The following CADM2 variants were observed in gnomAD, a reference collection of about 807,000 sequenced individuals.
CADM2 encodes the protein cell adhesion molecule 2, also known as immunoglobulin superfamily member 4D.
Under a neutral mutation model 49.8 loss-of-function variants are expected in CADM2, and 12 were observed. That is an observed-to-expected ratio of 0.24 (90% CI 0.15 to 0.39). The LOEUF (loss-of-function observed/expected upper bound fraction) is 0.39. CADM2 is among the 10% of genes least tolerant of loss of function. The pLI, the probability that CADM2 is intolerant of heterozygous loss-of-function variation, is 1.00. For synonymous variants in CADM2, 214 were observed against 175.4 expected, an observed-to-expected ratio of 1.22 and a Z score of -1.74; for missense variants, 378 against 492.3, an observed-to-expected ratio of 0.77 and a Z score of 2.20.
chr3:85,094,578 C>T (rs2037724110), intron 1 of CADM2, among the ~76,000 whole-genome samples: 1 of 152,020 alleles, frequency 6.6e-6, no homozygotes, highest in Admixed American at 6.6e-5. Context: ...GTTGGTAATT[C>T]TACTGAGTTT....
intron 1 of CADM2, among the ~76,000 whole-genome samples, chr3:85,433,021 G>C (rs993042801): frequency 6.6e-6 from 1 of 151,808 alleles, no homozygotes; most frequent in Non-Finnish European, 1.5e-5. Context: ...AAATATTTGT[G>C]GTACATTTCA....
intron 3 of CADM2, among the ~76,000 whole-genome samples, chr3:85,836,084 G>T (rs913342655): frequency 1.3e-5 from 2 of 151,418 alleles, no homozygotes; most frequent in African/African-American, 4.8e-5. Flanking sequence ...CTGCCAAATG[G>T]AATAAAAATG....
At chr3:85,489,696 C>A (rs9817432) in intron 1 of CADM2, among the ~76,000 whole-genome samples, 49 of 134,770 alleles carry the variant, frequency 3.6e-4, no homozygotes, top group Middle Eastern at 8.3e-3. Flanking sequence ...AAAAAAAAAA[C>A]AAAAAAAAGA....
chr3:85,869,637 C>T (rs1442257721), intron 3 of CADM2, among the ~76,000 whole-genome samples: 5 of 151,906 alleles, frequency 3.3e-5, no homozygotes, highest in Non-Finnish European at 7.4e-5. Flanking sequence ...TTTCCTTTAT[C>T]TGCCTACATT....
chr3:85,931,596 A>G (rs1458089669), intron 6 of CADM2, among the ~76,000 whole-genome samples: 2 of 152,194 alleles, frequency 1.3e-5, no homozygotes, highest in Admixed American at 6.5e-5. Context: ...ACATGCAGCA[A>G]TGGTATCTGA....
chr3:85,658,349 A>T (rs2065273534), intron 1 of CADM2, among the ~76,000 whole-genome samples: 1 of 151,832 alleles, frequency 6.6e-6, no homozygotes, highest in Non-Finnish European at 1.5e-5. Context: ...TCTTCACTTC[A>T]TTCAGAAGAA....
Position 85,120,676 on chromosome 3 carries a change from G to T in CADM2, c.61+161008G>T, listed in dbSNP as rs1313931323. 5.9e-5 allele frequency among the ~76,000 whole-genome samples: 9 copies of T among 152,002 alleles called. 1 individual carries two copies. The highest frequency in any genetic ancestry group is 4.2e-4 in the South Asian group (2 of 4,794). On this transcript the variant is annotated intron_variant, in intron 1 of 9. Coordinates refer to ENST00000383699, the MANE Select transcript of CADM2 (RefSeq NM_001167675.2). ...GGAACATCACACACCAGGGCCTCCT[G>T]GGGGGTAGGGGGCCAGGGGAGGGAT...
intron 9 of CADM2, 44 bp from the exon 10 acceptor site, chr3:86,066,621 A>G (rs770988071): frequency 7.2e-6 from 10 of 1,386,214 alleles, no homozygotes; most frequent in African/African-American, 5.7e-5. Flanking sequence ...TGGGTATTTT[A>G]CCAGTCTCAC....
chr3:85,338,031 G>A (rs890042492), intron 1 of CADM2, among the ~76,000 whole-genome samples: 3 of 151,668 alleles, frequency 2.0e-5, no homozygotes, highest in Non-Finnish European at 4.4e-5. Context: ...CTCCATCAGC[G>A]CCTCTGCCTA....
chr3:85,868,590 TC>T (rs2075807539), intron 3 of CADM2, among the ~76,000 whole-genome samples: 1 of 152,180 alleles, frequency 6.6e-6, no homozygotes, highest in East Asian at 1.9e-4. Flanking sequence ...GAAATTTTTG[TC>T]CTCAAAGTTG....
chr3:85,818,889 A>C (rs889189858), intron 3 of CADM2, among the ~76,000 whole-genome samples: 2 of 151,834 alleles, frequency 1.3e-5, no homozygotes, highest in African/African-American at 4.9e-5. Context: ...GAACAGAACT[A>C]ATAGGATAGA....
At chr3:85,767,237 TA>T (rs2069704378) in intron 2 of CADM2, among the ~76,000 whole-genome samples, 1 of 152,136 alleles carries the variant, frequency 6.6e-6, no homozygotes, top group Non-Finnish European at 1.5e-5. Context: ...GATGCACACC[TA>T]ACCTCTTAAT....
chr3:85,288,709 G>C (rs1211749116), intron 1 of CADM2, among the ~76,000 whole-genome samples: 1 of 150,078 alleles, frequency 6.7e-6, no homozygotes, highest in Non-Finnish European at 1.5e-5. Context: ...GTGTTGCAGT[G>C]TTGGTGTATA....
At chr3:85,729,640 A>G (rs1422066611) in intron 2 of CADM2, among the ~76,000 whole-genome samples, 1 of 152,214 alleles carries the variant, frequency 6.6e-6, no homozygotes, top group East Asian at 1.9e-4. Context: ...GGAGGACTCT[A>G]TGAAGAGTGA....
intron 7 of CADM2, among the ~76,000 whole-genome samples, chr3:85,942,867 G>C (rs1722122715): frequency 6.6e-6 from 1 of 152,142 alleles, no homozygotes; most frequent in East Asian, 1.9e-4. Flanking sequence ...GGATGGCTGG[G>C]TCAAATGGTA....
In CADM2 at chr3:85,261,814, A is replaced by G. The variant is rs2043019473; in HGVS notation, c.61+302146A>G. ...ATTCAAATATTTCTAAATTAAAAAC[A>G]AAACAAAACAAAGTCACCTTTTTCC... is the stretch of plus-strand genomic sequence containing the variant. On this transcript the variant is annotated intron_variant, in intron 1 of 9. Coordinates refer to ENST00000383699, the MANE Select transcript of CADM2 (RefSeq NM_001167675.2). 2.0e-5 allele frequency among the ~76,000 whole-genome samples: 3 copies of G among 151,710 alleles called. No individual in the cohort carries two copies. The South Asian group carries it at 6.2e-4, about 31-fold the overall frequency.
intron 1 of CADM2, among the ~76,000 whole-genome samples, chr3:85,357,066 T>A (rs1055068325): frequency 1.1e-4 from 17 of 152,116 alleles, no homozygotes; most frequent in African/African-American, 3.4e-4. Flanking sequence ...TAAACTTAAA[T>A]TGAAATTTTG....
intron 1 of CADM2, among the ~76,000 whole-genome samples, chr3:85,211,586 G>A (rs530560295): frequency 1.6e-4 from 25 of 152,186 alleles, no homozygotes; most frequent in East Asian, 3.9e-4. Context: ...TGTATGTATA[G>A]TTTCCAAAAT....
intron 1 of CADM2, among the ~76,000 whole-genome samples, chr3:85,470,323 T>C (rs1161450675): frequency 6.6e-6 from 1 of 152,176 alleles, no homozygotes; most frequent in Admixed American, 6.5e-5. Context: ...GTCTGAAATA[T>C]GTGTCCTGGG....
Sources: gnomAD v4.1 joint callset for allele counts (sites outside exome capture counted in the v4.1 genomes callset) on GRCh38, gnomAD v4.1.1 for gene constraint, MANE v1.5 for transcripts, NCBI Gene and HGNC (gene_info 2026-07-23, HGNC 2026-07-21) for gene names.